Variants in RBFOX1 observed in about 807,000 individuals in gnomAD.
The protein encoded by RBFOX1 is RNA binding fox-1 homolog 1.
In RBFOX1, 8 loss-of-function variants were observed where a neutral mutation model predicts 57.7. The ratio of observed to expected loss-of-function variants is 0.14; its 90% confidence interval spans 0.08 to 0.25. The LOEUF (loss-of-function observed/expected upper bound fraction) is 0.25, where lower values mean the gene tolerates loss of function less well. Among genes scored for constraint, RBFOX1 ranks in the 10% least tolerant of loss-of-function variants. RBFOX1 has a pLI of 1.00. For synonymous variants in RBFOX1, 326 were observed against 222.4 expected (o/e 1.47, Z -4.15); for missense variants, 611 against 548.5 (o/e 1.11, Z -1.14).
intron 4 of RBFOX1, among the ~76,000 whole-genome samples, chr16:5,903,980 A>G (rs1180555915): frequency 6.6e-6 from 1 of 152,146 alleles, no homozygotes; most frequent in Non-Finnish European, 1.5e-5. Flanking sequence ...TTCGGGCAAA[A>G]TATGAGCTAA....
chr16:6,508,634 T>G (rs2096174938), intron 2 of RBFOX1, among the ~76,000 whole-genome samples: 1 of 152,146 alleles, frequency 6.6e-6, no homozygotes, highest in South Asian at 2.1e-4. Context: ...TTTACTTTTC[T>G]CTTGAACTTC....
At chr16:5,646,160 G>A (rs1038540118) in intron 3 of RBFOX1, among the ~76,000 whole-genome samples, 14 of 150,342 alleles carry the variant, frequency 9.3e-5, no homozygotes, top group East Asian at 2.0e-4. Context: ...CTCCCAAGTC[G>A]CTGGGATTAC....
intron 1 of RBFOX1, among the ~76,000 whole-genome samples, chr16:5,401,844 T>C (rs1363288652): frequency 6.6e-6 from 1 of 150,830 alleles, no homozygotes; most frequent in Non-Finnish European, 1.5e-5. Context: ...CATCATCATT[T>C]CTGTCTCTGT....
intron 3 of RBFOX1, among the ~76,000 whole-genome samples, chr16:6,703,621 C>T (rs1408770053): frequency 6.6e-6 from 1 of 152,012 alleles, no homozygotes; most frequent in African/African-American, 2.4e-5. Flanking sequence ...GTGGGAGGAT[C>T]ACTTGAGCCT....
chr16:6,900,306 G>T (rs2068133305), intron 3 of RBFOX1, among the ~76,000 whole-genome samples: 1 of 152,136 alleles, frequency 6.6e-6, no homozygotes, highest in Non-Finnish European at 1.5e-5. Context: ...CGAATATCCT[G>T]TTCCAAGTTG....
intron 14 of RBFOX1, among the ~76,000 whole-genome samples, chr16:7,699,418 C>G (rs1471597151): frequency 6.6e-6 from 1 of 152,184 alleles, no homozygotes; most frequent in African/African-American, 2.4e-5. Flanking sequence ...TCTCAAACTC[C>G]TGGCCTCAAG....
chr16:6,233,060 A>G (rs2097477261), intron 1 of RBFOX1, among the ~76,000 whole-genome samples: 1 of 152,164 alleles, frequency 6.6e-6, no homozygotes, highest in Admixed American at 6.6e-5. Flanking sequence ...TACAGATCTA[A>G]CAGGGAAATT....
chr16:6,114,034 A>C (rs551119307), intron 1 of RBFOX1, among the ~76,000 whole-genome samples: 68 of 138,892 alleles, frequency 4.9e-4, no homozygotes, highest in African/African-American at 2.0e-3. Context: ...CCACCTGGGG[A>C]GAAATTATTT....
At chr16:6,680,272 CTCTTT>C (rs1229545331) in intron 3 of RBFOX1, among the ~76,000 whole-genome samples, 1 of 109,348 alleles carries the variant, frequency 9.1e-6, no homozygotes, top group Admixed American at 1.0e-4. Context: ...TTTTCTCTCT[CTCTTT>C]TTTTTTTTTT....
At chr16:5,972,794 C>A (rs2059989010) in intron 4 of RBFOX1, among the ~76,000 whole-genome samples, 1 of 152,198 alleles carries the variant, frequency 6.6e-6, no homozygotes, top group African/African-American at 2.4e-5. Context: ...TGTTTGCCAC[C>A]TTCCTGGGCA....
At chr16:5,691,085 T>C (rs1048614480) in intron 3 of RBFOX1, among the ~76,000 whole-genome samples, 4 of 152,238 alleles carry the variant, frequency 2.6e-5, no homozygotes, top group South Asian at 2.1e-4. Flanking sequence ...ACTGTGGCTC[T>C]CTGAAGAGGC....
chr16:6,439,693 A>G (rs1449307255), intron 2 of RBFOX1, among the ~76,000 whole-genome samples: 3 of 152,152 alleles, frequency 2.0e-5, no homozygotes, highest in Non-Finnish European at 4.4e-5. Flanking sequence ...AAGCAGCTGT[A>G]GCCCACAATA....
At chr16:7,011,650 A>G (rs898016226) in intron 3 of RBFOX1, among the ~76,000 whole-genome samples, 5 of 152,086 alleles carry the variant, frequency 3.3e-5, no homozygotes, top group Non-Finnish European at 7.3e-5. Context: ...AGTACCTGGG[A>G]CTACAGGTGC....
intron 4 of RBFOX1, among the ~76,000 whole-genome samples, chr16:7,286,016 C>T (rs117974514): frequency 3.3e-5 from 5 of 152,082 alleles, no homozygotes; most frequent in Non-Finnish European, 5.9e-5. Context: ...GTTTGTTTGT[C>T]TGCTTGTTTG....
intron 1 of RBFOX1, among the ~76,000 whole-genome samples, chr16:5,327,612 C>T (rs935972286): frequency 6.6e-6 from 1 of 152,154 alleles, no homozygotes; most frequent in Non-Finnish European, 1.5e-5. Context: ...CCCTGGTTGG[C>T]AAACATCCTC....
rs996089379 is a variant in RBFOX1, at chr16:6,999,474, A to C, written c.-15-52583A>C. Among the ~76,000 whole-genome samples the C allele has an allele frequency of 1.1e-4, 16 of 151,668 alleles. No individual in the cohort carries two copies. In the East Asian group the frequency reaches 1.4e-3, roughly 13 times the overall value. On this transcript the variant is annotated intron_variant, in intron 3 of 15. Coordinates refer to ENST00000550418, the MANE Select transcript of RBFOX1 (RefSeq NM_018723.4). ...ATTTGAGACGGAGTCTTGCTCTGTCACCCAGGCTGGAGCATTCTCAGTTGT... is the reference window on the plus strand; with the variant it reads ...ATTTGAGACGGAGTCTTGCTCTGTCCCCCAGGCTGGAGCATTCTCAGTTGT...
intron 1 of RBFOX1, among the ~76,000 whole-genome samples, chr16:6,242,394 T>A (rs1209989526): frequency 6.6e-6 from 1 of 152,036 alleles, no homozygotes; most frequent in African/African-American, 2.4e-5. Flanking sequence ...AAGTCTTTAT[T>A]TTATTTTATT....
chr16:7,040,079 G>A (rs2045691396), intron 3 of RBFOX1, among the ~76,000 whole-genome samples: 1 of 151,880 alleles, frequency 6.6e-6, no homozygotes, highest in Admixed American at 6.6e-5. Flanking sequence ...GGAGTGCAGT[G>A]ACATGATCTC....
rs562584825 is a variant in RBFOX1, at chr16:6,898,599, C to G, written c.-15-153458C>G. On this transcript the variant is annotated intron_variant, in intron 3 of 15. Transcript: ENST00000550418. ...AAACTTCTCATGTCCGTGGGAGTAA[C>G]ATAAAAGGAAGTAGGTTATTTTTAA... Among the ~76,000 whole-genome samples the G allele has an allele frequency of 2.6e-5, 4 of 152,150 alleles. No individual in the cohort carries two copies. The South Asian group carries it at 8.3e-4, about 32-fold the overall frequency.
Sources: gnomAD v4.1 joint callset for allele counts (sites outside exome capture counted in the v4.1 genomes callset) on GRCh38, gnomAD v4.1.1 for gene constraint, MANE v1.5 for transcripts, NCBI Gene and HGNC (gene_info 2026-07-23, HGNC 2026-07-21) for gene names.